PRDX3: variants seen among roughly 807,000 people sequenced by gnomAD.
PRDX3 encodes peroxiredoxin 3, also known as thioredoxin-dependent peroxide reductase, mitochondrial.
PRDX3 carries 20 observed loss-of-function variants against 30.4 expected under a neutral mutation model. The observed-to-expected ratio is 0.66, with a 90% CI of 0.46 to 0.96. PRDX3 has a LOEUF of 0.96. Among genes scored for constraint, PRDX3 ranks in the 40% least tolerant of loss-of-function variants. The probability of loss-of-function intolerance (pLI) is 0.00; values close to 1 mark genes in which losing one functional copy is unlikely to be tolerated. For synonymous variants in PRDX3, 124 were observed against 117.8 expected (o/e 1.05, Z -0.34); for missense variants, 322 against 318.3 (o/e 1.01, Z -0.09).
chr10:119,172,553 T>C, intron 4 of PRDX3, 68 bp from the exon 5 acceptor site: 1 of 1,280,040 alleles, frequency 7.8e-7, no homozygotes, highest in South Asian at 1.2e-5. Flanking sequence ...CGTACCACAA[T>C]GTTTGAGACC....
rs1178636058 is a variant in PRDX3 at position 119,168,583 on chromosome 10, A to G, written c.718-50T>C. The G allele has an allele frequency of 2.5e-6, 4 of 1,594,164 alleles. No homozygotes were observed. The South Asian group carries it at 3.4e-5, about 14-fold the overall frequency. Reference sequence around the variant, plus strand: ...GTAACTGTGACTTTACCATAATAATAGTCCCAAAAGTGAGTGGCAATCTCC... The same window carrying G: ...GTAACTGTGACTTTACCATAATAATGGTCCCAAAAGTGAGTGGCAATCTCC... On this transcript the variant is annotated intron_variant, in intron 6 of 6. Coordinates refer to ENST00000298510, the MANE Select transcript of PRDX3 (RefSeq NM_006793.5).
intron 5 of PRDX3, among the ~76,000 whole-genome samples, chr10:119,171,776 C>T (rs1847913683): frequency 6.6e-6 from 1 of 152,162 alleles, no homozygotes; most frequent in Admixed American, 6.5e-5. Context: ...CCCAAAGTCA[C>T]ACAGCTATTA....
chr10:119,168,557 G>A (rs1012833998), intron 6 of PRDX3, 24 bp from the exon 7 acceptor site: 2 of 1,612,446 alleles, frequency 1.2e-6, no homozygotes, highest in Non-Finnish European at 1.7e-6. Flanking sequence ...AGCTTAATTA[G>A]GTAACTGTGA....
rs142171712 is a variant in PRDX3, at chr10:119,173,385, G to A, written c.447+352C>T. Among the ~76,000 whole-genome samples the A allele has an allele frequency of 6.2e-3, 937 of 152,232 alleles. 15 individuals are homozygous for A. The highest frequency in any genetic ancestry group is 0.021 in the African/African-American group (887 of 41,550). ...GGCACTTTGGGAGGCCAAGGTGGGC[G>A]GATCACCTGAGGTCAGGAGTTCGAG... On this transcript the variant is annotated intron_variant, in intron 4 of 6. Transcript: ENST00000298510.
At chr10:119,175,171 T>C (rs113985379) in intron 2 of PRDX3, among the ~76,000 whole-genome samples, 13 of 152,224 alleles carry the variant, frequency 8.5e-5, no homozygotes, top group African/African-American at 2.9e-4. Context: ...AGAGATGGAT[T>C]TTAAATATGG....
chr10:119,176,027 G>T (rs147412520), intron 2 of PRDX3, among the ~76,000 whole-genome samples: 1 of 151,794 alleles, frequency 6.6e-6, no homozygotes, highest in Non-Finnish European at 1.5e-5. Flanking sequence ...CAAGTAATTC[G>T]CCTGCCTTGG....
rs999382631 is a variant in PRDX3 at position 119,177,063 on chromosome 10, A to G, written c.127T>C (p.Leu43=). 4.3e-5 allele frequency: 69 copies of G among 1,613,962 alleles called. No individual in the cohort carries two copies. The highest frequency in any genetic ancestry group is 5.4e-5 in the Non-Finnish European group (64 of 1,179,966). Residue 43 remains leucine (L), a synonymous_variant, in exon 2 of 7, where the codon TTA becomes CTA. Coordinates refer to ENST00000298510, the MANE Select transcript of PRDX3 (RefSeq NM_006793.5). ...GCTTGACTGGAACCAGAACACAATA[A>G]ATTTGTCAAGCTCGTTCTTCCACAT... ...AACGRTSLTN[L]LCSGSSQAKL... is the part of the protein sequence containing the mutation.
intron 4 of PRDX3, among the ~76,000 whole-genome samples, chr10:119,172,729 G>GC (rs1847938019): frequency 6.6e-6 from 1 of 152,078 alleles, no homozygotes; most frequent in African/African-American, 2.4e-5. Flanking sequence ...CTAGAAAGGA[G>GC]CAGAAGGAAG....
chr10:119,169,034 T>G, intron 6 of PRDX3, 143 bp downstream of exon 6: 11 of 431,206 alleles, frequency 2.6e-5, no homozygotes, highest in East Asian at 1.2e-4. Context: ...CCCCACCCCC[T>G]CTACCCCACA....
intron 3 of PRDX3, 54 bp from the exon 4 acceptor site, chr10:119,173,926 ACAAT>A (rs765809913): frequency 9.6e-5 from 150 of 1,560,510 alleles, no homozygotes; most frequent in Non-Finnish European, 1.3e-4. Context: ...AAGGATTTTA[ACAAT>A]TAGTGGTCTA....
In PRDX3 at chr10:119,168,336, A is replaced by T; in HGVS notation, c.*144T>A. On this transcript the variant is annotated 3_prime_UTR_variant, in exon 7 of 7. Transcript: ENST00000298510. ...TAAAAGGTCTTAGCCAGAATTACAA[A>T]AACAAAACATTTAGAGTAATACTTA... The T allele has an allele frequency of 6.8e-7, 1 of 1,475,468 alleles. No individual in the cohort carries two copies. The highest frequency in any genetic ancestry group is 1.4e-5 in the African/African-American group (1 of 69,962). 91.4% of individuals were successfully genotyped at this position (1,475,468 alleles called of 1,614,324 possible).
rs139887829 is a variant in PRDX3 at position 119,168,522 on chromosome 10, A to C, written c.729T>G (p.Ser243Arg). ...WTPDSPTIKP[S>R]PAASKEYFQK... Reference sequence around the variant, plus strand: ...GAAAGTACTCTTTGGAAGCAGCTGGACTTGGCTTGATCTGAAAATACAAAA... The same window carrying C: ...GAAAGTACTCTTTGGAAGCAGCTGGCCTTGGCTTGATCTGAAAATACAAAA... The change falls in exon 7 of 7, where the codon AGT (serine) becomes AGG (arginine). Residue 243 changes from serine to arginine, a missense_variant. By Grantham distance (110) the Ser-to-Arg change is moderately radical (BLOSUM62 -1). Coordinates refer to ENST00000298510, the MANE Select transcript of PRDX3 (RefSeq NM_006793.5). The C allele has an allele frequency of 1.3e-5, 21 of 1,613,896 alleles. No individual in the cohort carries two copies. The highest frequency in any genetic ancestry group is 1.8e-5 in the Non-Finnish European group (21 of 1,179,982).
intron 1 of PRDX3, among the ~76,000 whole-genome samples, chr10:119,178,523 C>G (rs895245349): frequency 6.6e-6 from 1 of 152,120 alleles, no homozygotes; most frequent in African/African-American, 2.4e-5. Context: ...GGACCGGGGA[C>G]GCCGAAAGAG....
chr10:119,177,205 G>C (rs897753287), intron 1 of PRDX3, 52 bp from the exon 2 acceptor site: 1 of 1,591,968 alleles, frequency 6.3e-7, no homozygotes, highest in South Asian at 1.1e-5. Flanking sequence ...GTGACTGAAG[G>C]CTGAAAGGGC....
chr10:119,175,763 G>A (rs1848012329), intron 2 of PRDX3, among the ~76,000 whole-genome samples: 1 of 135,474 alleles, frequency 7.4e-6, no homozygotes, highest in Admixed American at 8.1e-5. Context: ...GGGGAGACAT[G>A]TTAGGAGGTG....
intron 5 of PRDX3, 138 bp from the exon 6 acceptor site, chr10:119,169,480 T>C (rs1285329774): frequency 1.3e-6 from 1 of 760,422 alleles, no homozygotes; most frequent in Admixed American, 3.0e-5. Flanking sequence ...GGTGGGGTTT[T>C]CACTGTTGTG....
rs117034470 is a variant in PRDX3 at position 119,174,616 on chromosome 10, T to C, written c.170-24A>G. ...ACCTGAAAAAAAACCCACACTCATA[T>C]GGAGTTCATCATTTGCTATGTCAAG... On this transcript the variant is annotated intron_variant, in intron 2 of 6. Transcript: ENST00000298510. The C allele has an allele frequency of 4.5e-6, 7 of 1,557,594 alleles. No homozygotes were observed. The East Asian group carries it at 1.6e-4, about 35-fold the overall frequency.
At chr10:119,172,144 T>A (rs1055080702) in intron 5 of PRDX3, among the ~76,000 whole-genome samples, 7 of 152,220 alleles carry the variant, frequency 4.6e-5, no homozygotes, top group African/African-American at 1.7e-4. Context: ...TAATTCTTTT[T>A]AATATAATAG....
intron 1 of PRDX3, among the ~76,000 whole-genome samples, chr10:119,178,302 G>C (rs1012265882): frequency 4.6e-5 from 7 of 152,244 alleles, no homozygotes; most frequent in African/African-American, 1.7e-4. Flanking sequence ...AAACACGCGG[G>C]AGTGGGATTG....
Sources: allele counts gnomAD v4.1 joint callset (sites outside exome capture counted in the v4.1 genomes callset), GRCh38; gene constraint gnomAD v4.1.1; transcripts MANE v1.5; gene names NCBI Gene and HGNC (gene_info 2026-07-23, HGNC 2026-07-21).